The following PTPRT variants were observed in gnomAD, a reference collection of about 807,000 sequenced individuals.
The protein encoded by PTPRT is protein tyrosine phosphatase receptor type T, also known as receptor-type tyrosine-protein phosphatase T.
A neutral mutation model predicts 176.8 loss-of-function variants in PTPRT; 56 were observed. That is an observed-to-expected ratio of 0.32 (90% CI 0.26 to 0.40). The LOEUF is 0.40. Ranked by LOEUF, PTPRT falls within the 10% of genes least tolerant of loss-of-function variation. The pLI, the probability that PTPRT is intolerant of heterozygous loss-of-function variation, is 1.00. For missense variants in PTPRT, 1,540 were observed against 1,908.2 expected, an observed-to-expected ratio of 0.81 and a Z score of 3.60; for synonymous variants, 783 against 739.0, an observed-to-expected ratio of 1.06 and a Z score of -0.96.
chr20:42,560,460 C>A, intron 7 of PTPRT, among the ~76,000 whole-genome samples: 1 of 152,148 alleles, frequency 6.6e-6, no homozygotes, highest in East Asian at 1.9e-4. Flanking sequence ...GCATTCCTGG[C>A]ATCTACTCAC....
At position 42,646,369 on chromosome 20, in the gene PTPRT, T is replaced by C. The variant is rs752588645; in HGVS notation, c.1153+31497A>G. On this transcript the variant is annotated intron_variant, in intron 7 of 30. Transcript: ENST00000373187. ...TTGTTATTGGAACACAGCCACCCCA[T>C]TCCTTTTTGAATTGTCCATGGCTGC... Among the ~76,000 whole-genome samples the C allele has an allele frequency of 1.1e-3, 171 of 152,130 alleles. 2 individuals carry two copies. The highest frequency in any genetic ancestry group is 2.0e-3 in the Non-Finnish European group (133 of 68,008).
intron 7 of PTPRT, among the ~76,000 whole-genome samples, chr20:42,629,896 C>A (rs2074371568): frequency 6.6e-6 from 1 of 152,150 alleles, no homozygotes; most frequent in African/African-American, 2.4e-5. Flanking sequence ...ATACTCTTAG[C>A]GTTAGAGTCC....
intron 11 of PTPRT, among the ~76,000 whole-genome samples, chr20:42,332,865 A>G (rs762005055): frequency 3.9e-5 from 6 of 152,252 alleles, no homozygotes; most frequent in Non-Finnish European, 5.9e-5. Context: ...AACAAGATAT[A>G]TAAACATTTG....
intron 1 of PTPRT, among the ~76,000 whole-genome samples, chr20:43,186,935 C>T (rs1402399535): frequency 6.6e-6 from 1 of 152,200 alleles, no homozygotes; most frequent in African/African-American, 2.4e-5. Context: ...TAAATGAATT[C>T]ATTATCCCCT....
chr20:42,780,599 T>A (rs2077200790), intron 3 of PTPRT, among the ~76,000 whole-genome samples: 1 of 152,212 alleles, frequency 6.6e-6, no homozygotes, highest in African/African-American at 2.4e-5. Flanking sequence ...TGCATCTTTC[T>A]CATTGCAGCT....
chr20:42,038,739 T>G, the PTPRT span, among the ~76,000 whole-genome samples: 1 of 152,116 alleles, frequency 6.6e-6, no homozygotes, highest in African/African-American at 2.4e-5. Context: ...CAGCAGTTAG[T>G]AGGCTCAGAA....
chr20:42,217,376 TACACACACACACACACACACAC>T (rs71335847), intron 15 of PTPRT, among the ~76,000 whole-genome samples: 3 of 104,374 alleles, frequency 2.9e-5, no homozygotes, highest in East Asian at 5.6e-4. Flanking sequence ...CTCTCAAACA[TACACACACACACACACACACAC>T]ACACACACAC....
At chr20:42,165,256 A>G (rs984322248) in intron 16 of PTPRT, among the ~76,000 whole-genome samples, 3 of 152,134 alleles carry the variant, frequency 2.0e-5, no homozygotes, top group Non-Finnish European at 4.4e-5. Context: ...ACTTACTGGG[A>G]ATTGCCACTC....
Position 42,085,818 on chromosome 20 carries a change from C to A in PTPRT, c.3882G>T (p.Gly1294=), listed in dbSNP as rs1299771963. The A allele has an allele frequency of 1.3e-5, 21 of 1,613,456 alleles. No individual in the cohort carries two copies. Among genetic ancestry groups the A allele is most frequent in the Non-Finnish European group, 1.7e-5 (20 of 1,179,500 alleles). ...ACTCCACCTGGATGGGCCCATAGCA[C>A]CCGGAGGTCTTCTCAGGCCAGTACT... ...CMQYWPEKTS[G]CYGPIQVEFV... The change falls in exon 28 of 31, where the codon GGG becomes GGT. Residue 1294 remains glycine, a synonymous_variant. Transcript: ENST00000373187.
intron 9 of PTPRT, among the ~76,000 whole-genome samples, chr20:42,405,447 G>T (rs967663529): frequency 4.6e-5 from 7 of 152,052 alleles, no homozygotes; most frequent in Non-Finnish European, 7.4e-5. Flanking sequence ...GCAGTGTTTG[G>T]TTTTTTGTCC....
chr20:43,004,699 G>A (rs750231204), intron 1 of PTPRT, among the ~76,000 whole-genome samples: 18 of 152,064 alleles, frequency 1.2e-4, no homozygotes, highest in Non-Finnish European at 2.2e-4. Context: ...AAGAACCTTC[G>A]TGTCCATCAA....
At chr20:42,039,692 G>GTA in the PTPRT span, among the ~76,000 whole-genome samples, 5 of 113,204 alleles carry the variant, frequency 4.4e-5, no homozygotes, top group African/African-American at 6.1e-5. Flanking sequence ...ATTCTGTTGT[G>GTA]TATATATATA....
At chr20:42,270,292 G>C (rs1600756989) in intron 13 of PTPRT, 1 of 1,009,630 alleles carries the variant, frequency 9.9e-7, no homozygotes. Context: ...GGGTGGGTGG[G>C]TGGGGTGGAA....
At chr20:42,567,783 C>G (rs944776740) in intron 7 of PTPRT, among the ~76,000 whole-genome samples, 4 of 152,084 alleles carry the variant, frequency 2.6e-5, no homozygotes, top group African/African-American at 9.7e-5. Flanking sequence ...AACAACAGAC[C>G]TGTTTTATAA....
chr20:42,779,559 G>C (rs752534841), intron 4 of PTPRT, among the ~76,000 whole-genome samples: 1 of 152,094 alleles, frequency 6.6e-6, no homozygotes, highest in Non-Finnish European at 1.5e-5. Context: ...CTGTACCCAG[G>C]ACTTATGGCC....
Position 43,111,620 on chromosome 20 carries a change from C to T in PTPRT, c.88+78026G>A, listed in dbSNP as rs2012874273. Among the ~76,000 whole-genome samples, 3 of 146,970 alleles carry T rather than the reference C, an allele frequency of 2.0e-5. No homozygotes were observed. The South Asian group carries it at 6.4e-4, about 31-fold the overall frequency. ...TATCCACTTTAGATCTTCTCTAAGGCTCTGGGTTCTAGGTTCTGTTTTAAA... is the reference window on the plus strand; with the variant it reads ...TATCCACTTTAGATCTTCTCTAAGGTTCTGGGTTCTAGGTTCTGTTTTAAA... On this transcript the variant is annotated intron_variant, in intron 1 of 30. Coordinates refer to ENST00000373187, the MANE Select transcript of PTPRT (RefSeq NM_007050.6).
intron 9 of PTPRT, among the ~76,000 whole-genome samples, chr20:42,441,077 TG>T (rs2059312026): frequency 6.6e-6 from 1 of 152,206 alleles, no homozygotes; most frequent in South Asian, 2.1e-4. Context: ...TGTCAAACCG[TG>T]GTCCAGCCAA....
At chr20:42,483,692 A>G (rs2071422903) in intron 7 of PTPRT, among the ~76,000 whole-genome samples, 1 of 152,260 alleles carries the variant, frequency 6.6e-6, no homozygotes, top group Admixed American at 6.5e-5. Flanking sequence ...TTCACAAAGC[A>G]GCCTATTGAC....
intron 1 of PTPRT, among the ~76,000 whole-genome samples, chr20:43,092,313 G>T (rs567525547): frequency 2.6e-5 from 4 of 152,322 alleles, no homozygotes; most frequent in Admixed American, 6.5e-5. Context: ...ATTGACCAAG[G>T]GCTGCCCCAT....
Sources: allele counts gnomAD v4.1 joint callset (sites outside exome capture counted in the v4.1 genomes callset), GRCh38; gene constraint gnomAD v4.1.1; transcripts MANE v1.5; gene names NCBI Gene and HGNC (gene_info 2026-07-23, HGNC 2026-07-21).